Variants in MYO1E observed in about 807,000 individuals in gnomAD.
The protein encoded by MYO1E is myosin IE, also known as unconventional myosin-Ie.
MYO1E carries 68 observed loss-of-function variants against 151.1 expected under a neutral mutation model. The observed-to-expected ratio is 0.45, with a 90% confidence interval of 0.37 to 0.55. The LOEUF (loss-of-function observed/expected upper bound fraction) is 0.55, where lower values mean the gene tolerates loss of function less well. Among genes scored for constraint, MYO1E ranks in the 20% least tolerant of loss-of-function variants. MYO1E has a pLI of 0.00. For synonymous variants in MYO1E, 601 were observed against 501.7 expected (o/e 1.20, Z -2.64); for missense variants, 1,363 against 1,389.3 (o/e 0.98, Z 0.30).
intron 1 of MYO1E, among the ~76,000 whole-genome samples, chr15:59,361,461 G>T (rs1322495201): frequency 2.6e-5 from 4 of 152,100 alleles, no homozygotes; most frequent in African/African-American, 9.7e-5. Flanking sequence ...AACTGTCATT[G>T]AAATAACCTG....
chr15:59,216,457 C>T (rs1327622953), intron 10 of MYO1E, among the ~76,000 whole-genome samples: 9 of 151,428 alleles, frequency 5.9e-5, no homozygotes, highest in Admixed American at 3.9e-4. Context: ...ATTATTTTAC[C>T]ATTTAGAGGC....
chr15:59,190,166 C>G (rs2079724521), intron 17 of MYO1E, among the ~76,000 whole-genome samples: 1 of 152,212 alleles, frequency 6.6e-6, no homozygotes, highest in African/African-American at 2.4e-5. Flanking sequence ...GCTGCGCGAG[C>G]TGGCTGAACC....
chr15:59,160,824 T>TA lies in MYO1E; in HGVS notation c.2785+248dup, dbSNP rs1389244102. On this transcript the variant is annotated intron_variant, in intron 24 of 27. Coordinates refer to ENST00000288235, the MANE Select transcript of MYO1E (RefSeq NM_004998.4). Reference sequence around the variant, plus strand: ...GAAGCTAACAAACTTTGATTTGTTTTAACCACAATATTGTAATGCCAGGTG... The same window carrying TA: ...GAAGCTAACAAACTTTGATTTGTTTTAAACCACAATATTGTAATGCCAGGTG... 6.6e-5 allele frequency among the ~76,000 whole-genome samples: 10 copies of TA among 152,230 alleles called. No individual in the cohort carries two copies. The Middle Eastern group carries it at 0.01, about 155-fold the overall frequency.
At chr15:59,218,966 T>A (rs901421086) in intron 9 of MYO1E, among the ~76,000 whole-genome samples, 3 of 152,134 alleles carry the variant, frequency 2.0e-5, no homozygotes, top group African/African-American at 7.2e-5. Context: ...ATTCCAATGC[T>A]GGGGGTCCTT....
intron 1 of MYO1E, among the ~76,000 whole-genome samples, chr15:59,324,439 G>A (rs28703863): frequency 0.018 from 2,808 of 152,248 alleles, 82 homozygotes; most frequent in African/African-American, 0.063. Context: ...CTGGGTCTGG[G>A]TTTTAAAAGA....
rs746604237 is a variant in MYO1E at position 59,208,883 on chromosome 15, G to A, written c.1363-35C>T. 5.0e-6 allele frequency: 8 copies of A among 1,612,670 alleles called. No homozygotes were observed. The Admixed American group carries it at 1.0e-4, about 20-fold the overall frequency. On this transcript the variant is annotated intron_variant, in intron 13 of 27. Coordinates refer to ENST00000288235, the MANE Select transcript of MYO1E (RefSeq NM_004998.4). The stretch of plus-strand genomic sequence containing the variant: ...GCAAGAAGGCAAGGCCCTAGTCACT[G>A]ACCTCTCCAAAACAGACAATGCTTA...
At chr15:59,312,877 A>AATG in intron 1 of MYO1E, among the ~76,000 whole-genome samples, 1 of 151,792 alleles carries the variant, frequency 6.6e-6, no homozygotes, top group East Asian at 1.9e-4. Context: ...TAATAATAAT[A>AATG]ATAATACAAA....
intron 4 of MYO1E, among the ~76,000 whole-genome samples, chr15:59,252,181 A>T (rs2080168789): frequency 6.6e-6 from 1 of 152,300 alleles, no homozygotes; most frequent in Admixed American, 6.5e-5. Flanking sequence ...AAAAGCTCAT[A>T]TTCCCTAGCT....
rs374616342 is a variant in MYO1E at position 59,262,644 on chromosome 15, T to C, written c.148-1135A>G. Among the ~76,000 whole-genome samples the C allele has an allele frequency of 9.2e-4, 140 of 152,118 alleles. 5 individuals carry two copies. The highest frequency in any genetic ancestry group is 3.1e-3 in the African/African-American group (128 of 41,522). On this transcript the variant is annotated intron_variant, in intron 2 of 27. Coordinates refer to ENST00000288235, the MANE Select transcript of MYO1E (RefSeq NM_004998.4). ...CCAGCCTGGGTGACAGAAAGAGACC[T>C]TGTCTCAAAATAACAGTAATAATCA...
At chr15:59,310,136 G>C (rs1215695396) in intron 1 of MYO1E, among the ~76,000 whole-genome samples, 11 of 152,308 alleles carry the variant, frequency 7.2e-5, no homozygotes, top group African/African-American at 2.6e-4. Context: ...TGAGCTGCTA[G>C]TATTACTTAC....
At chr15:59,223,020 C>A (rs746119325) in intron 9 of MYO1E, 39 bp downstream of exon 9, 2 of 1,612,762 alleles carry the variant, frequency 1.2e-6, no homozygotes, top group South Asian at 1.1e-5. Context: ...TCAGAGCTAG[C>A]CACCCCTCAT....
rs2079375357 is a variant in MYO1E at position 59,136,733 on chromosome 15, A to C, written c.*647T>G. ...AGCCACATTCTAATTGAAGACCCAG[A>C]GAAAGCAAAGCCAGCAGCCCAGCCC... On this transcript the variant is annotated 3_prime_UTR_variant, in exon 28 of 28. Transcript: ENST00000288235. 1 of 456,448 alleles carries C rather than the reference A, an allele frequency of 2.2e-6. No homozygotes were observed. Among genetic ancestry groups the C allele is most frequent in the East Asian group, 6.9e-5 (1 of 14,412 alleles). 28.3% of individuals were successfully genotyped at this position (456,448 alleles called of 1,614,324 possible).
chr15:59,307,483 T>G (rs2080521536), intron 1 of MYO1E, among the ~76,000 whole-genome samples: 1 of 152,218 alleles, frequency 6.6e-6, no homozygotes, highest in Admixed American at 6.5e-5. Flanking sequence ...TTAATCCTGC[T>G]TATAATTCTG....
chr15:59,210,635 C>T, intron 12 of MYO1E, 35 bp from the exon 13 acceptor site: 3 of 1,455,244 alleles, frequency 2.1e-6, no homozygotes, highest in Non-Finnish European at 2.9e-6. Flanking sequence ...ACATTATTTC[C>T]CAGATAGCAA....
intron 26 of MYO1E, among the ~76,000 whole-genome samples, chr15:59,142,136 G>C (rs1251998508): frequency 6.6e-6 from 1 of 151,826 alleles, no homozygotes; most frequent in Non-Finnish European, 1.5e-5. Context: ...TTTTAAGTCT[G>C]TACATGTTCA....
intron 4 of MYO1E, among the ~76,000 whole-genome samples, chr15:59,238,128 A>G (rs1321332920): frequency 6.6e-6 from 1 of 152,182 alleles, no homozygotes; most frequent in African/African-American, 2.4e-5. Context: ...GAGGTGTCAC[A>G]CTCTTCCAGA....
At chr15:59,264,604 T>G (rs1269774907) in intron 2 of MYO1E, among the ~76,000 whole-genome samples, 1 of 152,250 alleles carries the variant, frequency 6.6e-6, no homozygotes, top group Non-Finnish European at 1.5e-5. Flanking sequence ...GAATTTTATC[T>G]GGCAACCCTA....
chr15:59,197,893 G>C (rs1460049465), intron 16 of MYO1E, among the ~76,000 whole-genome samples: 27 of 152,188 alleles, frequency 1.8e-4, no homozygotes, highest in Admixed American at 1.8e-3. Flanking sequence ...ACAGGGTCTT[G>C]CTCTGTTGTC....
chr15:59,209,815 C>CTTTTTTTTT (rs71119441), intron 13 of MYO1E, among the ~76,000 whole-genome samples: 612 of 49,884 alleles, frequency 0.012, 55 homozygotes, highest in Middle Eastern at 0.029. Flanking sequence ...TTTGAATCAC[C>CTTTTTTTTT]TTTTTTTTTT....
Sources: allele counts gnomAD v4.1 joint callset (sites outside exome capture counted in the v4.1 genomes callset), GRCh38; gene constraint gnomAD v4.1.1; transcripts MANE v1.5; gene names NCBI Gene and HGNC (gene_info 2026-07-23, HGNC 2026-07-21).